P4HTM: variants seen among roughly 807,000 people sequenced by gnomAD.
The protein encoded by P4HTM is transmembrane prolyl 4-hydroxylase.
P4HTM carries 33 observed loss-of-function variants against 55.3 expected under a neutral mutation model. That is an observed-to-expected ratio of 0.60 (90% CI 0.45 to 0.80). P4HTM has a LOEUF of 0.80. Ranked by LOEUF, P4HTM falls within the 30% of genes least tolerant of loss-of-function variation. P4HTM has a pLI of 0.00. For synonymous variants in P4HTM, 272 were observed against 286.4 expected, an observed-to-expected ratio of 0.95 and a Z score of 0.51; for missense variants, 542 against 696.5, an observed-to-expected ratio of 0.78 and a Z score of 2.50.
rs1225856006 is a variant in P4HTM at position 49,002,266 on chromosome 3, G to T, written c.628-234G>T. ...CAGTGCTCTCCATGAAGGCCACGGGGCCTTAGTCCGGGAATGCAAATGGCC... is the reference window on the plus strand; with the variant it reads ...CAGTGCTCTCCATGAAGGCCACGGGTCCTTAGTCCGGGAATGCAAATGGCC... On this transcript the variant is annotated intron_variant, in intron 3 of 8. Coordinates refer to ENST00000383729, the MANE Select transcript of P4HTM (RefSeq NM_177939.3). This position sits in a 1 kb window ranked among gnomAD's most constrained non-coding sequence, Gnocchi z 4.4. 6.6e-6 allele frequency among the ~76,000 whole-genome samples: 1 copy of T among 152,242 alleles called. No homozygotes were observed. The highest frequency in any genetic ancestry group is 1.5e-5 in the Non-Finnish European group (1 of 68,044).
Position 49,005,027 on chromosome 3 carries a change from C to G in P4HTM, c.1054C>G (p.Pro352Ala). The G allele has an allele frequency of 6.2e-7, 1 of 1,614,084 alleles. No homozygotes were observed. The highest frequency in any genetic ancestry group is 1.7e-5 in the Admixed American group (1 of 60,034). Residue 352 changes from proline (P) to alanine (A), a missense_variant, in exon 6 of 9, where the codon CCC (proline) becomes GCC (alanine). Physicochemically the swap from Pro to Ala is conservative, Grantham distance 27. This residue lies in a region of P4HTM where 536 missense variants were observed against 672.1 expected (regional missense o/e 0.80). Coordinates refer to ENST00000383729, the MANE Select transcript of P4HTM (RefSeq NM_177939.3). ...CAAGCTGGTAGCCAACGAGTCTGTA[C>G]CCTTCGAGACCTCCTGCCGGCAAGT... Reference protein sequence around the residue: ...HTKLVANESVPFETSCRYMTV... With the variant: ...HTKLVANESVAFETSCRYMTV...
rs1216896796 is a variant in P4HTM at position 48,999,607 on chromosome 3, G to A, written c.437-1831G>A. 2.4e-5 allele frequency: 4 copies of A among 167,362 alleles called. No homozygotes were observed. The highest frequency in any genetic ancestry group is 5.9e-5 in the Non-Finnish European group (4 of 68,358). The allele number at this position is 167,362 out of a possible 1,614,324, so 10.4% of individuals were successfully genotyped here. On this transcript the variant is annotated intron_variant, in intron 2 of 8. Coordinates refer to ENST00000383729, the MANE Select transcript of P4HTM (RefSeq NM_177939.3). The surrounding 1 kb of genome is among the most constrained non-coding windows in gnomAD (Gnocchi z 4.8). Reference sequence around the variant, plus strand: ...TGTTCCTGCACCCAGGGAGCCAACAGAGGAGATCCTGCAGGGGTTTGCACA... The same window carrying A: ...TGTTCCTGCACCCAGGGAGCCAACAAAGGAGATCCTGCAGGGGTTTGCACA...
intron 8 of P4HTM, 97 bp downstream of exon 8, chr3:49,006,284 T>C: frequency 7.1e-7 from 1 of 1,404,684 alleles, no homozygotes; most frequent in South Asian, 1.2e-5. Context: ...TTCTGGCTGC[T>C]TTCCAAATAG....
rs1252883130 is a variant in P4HTM, at chr3:49,006,880, C to G, written c.1482C>G (p.Ala494=). The change falls in exon 9 of 9, where the codon GCC becomes GCG. Residue 494 remains alanine, a synonymous_variant. Coordinates refer to ENST00000383729, the MANE Select transcript of P4HTM (RefSeq NM_177939.3). ...DSQPEWALDR[A]YRDARVEL The stretch of plus-strand genomic sequence containing the variant: ...AGCCCGAGTGGGCTCTGGACCGGGC[C>G]TACCGCGATGCGCGCGTGGAACTCT... 4.3e-6 allele frequency: 7 copies of G among 1,612,390 alleles called. No homozygotes were observed. Among genetic ancestry groups the G allele is most frequent in the Non-Finnish European group, 5.9e-6 (7 of 1,179,662 alleles).
At chr3:49,005,495 T>C in intron 6 of P4HTM, 1 of 1,339,642 alleles carries the variant, frequency 7.5e-7, no homozygotes, top group Non-Finnish European at 9.5e-7. Context: ...CTGTTGCTTC[T>C]GCTAGCCTAC....
rs990831870 is a variant in P4HTM at position 49,006,604 on chromosome 3, C to T, written c.1289-83C>T. ...CTACACAAGGAATGCATAGCTGGAC[C>T]CACCTTGGTCATGCTCTTGGTGCCT... On this transcript the variant is annotated intron_variant, in intron 8 of 8. Coordinates refer to ENST00000383729, the MANE Select transcript of P4HTM (RefSeq NM_177939.3). 23 of 1,137,820 alleles carry T rather than the reference C, an allele frequency of 2.0e-5. No homozygotes were observed. In the African/African-American group the frequency reaches 3.1e-4, roughly 15 times the overall value. The allele number at this position is 1,137,820 out of a possible 1,614,324, so 70.5% of individuals were successfully genotyped here. A position where few individuals can be genotyped will look rare whatever the true frequency, so the allele number is the denominator to read the frequency against.
chr3:48,998,124 G>A (rs1222644117), intron 2 of P4HTM: 1 of 152,312 alleles, frequency 6.6e-6, no homozygotes, highest in East Asian at 1.9e-4. Flanking sequence ...TGTATGATTT[G>A]AATGATTTGA....
In P4HTM at chr3:49,006,958, C is replaced by T; in HGVS notation, c.*51C>T. 6.9e-7 allele frequency: 1 copy of T among 1,447,776 alleles called. No homozygotes were observed. Among genetic ancestry groups the T allele is most frequent in the Non-Finnish European group, 9.5e-7 (1 of 1,052,482 alleles). The allele number at this position is 1,447,776 out of a possible 1,614,324, so 89.7% of individuals were successfully genotyped here. ...CCGCGGGTCGCCAGTTGCCCAAGAT[C>T]AGGGGTCCGGCTGTCCTTCTGTCCT... On this transcript the variant is annotated 3_prime_UTR_variant, in exon 9 of 9. Coordinates refer to ENST00000383729, the MANE Select transcript of P4HTM (RefSeq NM_177939.3).
chr3:49,004,723 G>T, intron 5 of P4HTM, 138 bp from the exon 6 acceptor site: 1 of 814,414 alleles, frequency 1.2e-6, no homozygotes, highest in Non-Finnish European at 2.0e-6. Context: ...TACAGGGCCA[G>T]TCTGAGATGG....
rs1266911547 is a variant in P4HTM, at chr3:49,006,096, C to T, written c.1197C>T (p.Asp399=). Residue 399 remains aspartate (D), a synonymous_variant, in exon 8 of 9, where the codon GAC becomes GAT. Transcript: ENST00000383729. ...TTCAGGATGACGTGGACCTCCGTGACACACGGAGGCACTGTGACAAGGGAA... is the reference window on the plus strand; with the variant it reads ...TTCAGGATGACGTGGACCTCCGTGATACACGGAGGCACTGTGACAAGGGAA... ...SLIQDDVDLR[D]TRRHCDKGNL... is the part of the protein sequence containing the mutation. 3.1e-6 allele frequency: 5 copies of T among 1,612,514 alleles called. No homozygotes were observed. In the South Asian group the frequency reaches 4.4e-5, roughly 14 times the overall value.
Position 48,999,159 on chromosome 3 carries a change from G to A in P4HTM, c.437-2279G>A, listed in dbSNP as rs760024897. On this transcript the variant is annotated intron_variant, in intron 2 of 8. Coordinates refer to ENST00000383729, the MANE Select transcript of P4HTM (RefSeq NM_177939.3). The surrounding 1 kb of genome is among the most constrained non-coding windows in gnomAD (Gnocchi z 4.8). ...GCCCAGCCCTGATAGGTGCTCAGGT[G>A]CTCAGCAAGGATTACTGAAGACCTG... 1.3e-5 allele frequency: 2 copies of A among 152,224 alleles called. No individual in the cohort carries two copies. The highest frequency in any genetic ancestry group is 6.5e-5 in the Admixed American group (1 of 15,282). 9.4% of individuals were successfully genotyped at this position (152,224 alleles called of 1,614,324 possible).
chr3:49,004,699 C>A, intron 5 of P4HTM, 162 bp from the exon 6 acceptor site: 2 of 674,390 alleles, frequency 3.0e-6, no homozygotes, highest in Non-Finnish European at 5.1e-6. Flanking sequence ...TCATGAGTAA[C>A]CCCCTCCTGC....
At chr3:49,005,280 AC>A (rs1236953179) in intron 6 of P4HTM, 2 of 1,452,532 alleles carry the variant, frequency 1.4e-6, no homozygotes, top group East Asian at 4.9e-5. Flanking sequence ...GTACCCACAG[AC>A]ACCAAAACTT....
Position 48,992,824 on chromosome 3 carries a change from T to C in P4HTM, c.436+1910T>C, listed in dbSNP as rs2092934680. Among the ~76,000 whole-genome samples, 4 of 149,348 alleles carry C rather than the reference T, an allele frequency of 2.7e-5. No individual in the cohort carries two copies. The South Asian group carries it at 6.8e-4, about 25-fold the overall frequency. On this transcript the variant is annotated intron_variant, in intron 2 of 8. Transcript: ENST00000383729. ...GGGATTACAGGCATGCGCCACCACA[T>C]CCGGCTAATTTTTTGCATTTTTAGT...
chr3:49,005,279 G>T, intron 6 of P4HTM: 1 of 1,456,458 alleles, frequency 6.9e-7, no homozygotes, highest in Non-Finnish European at 9.0e-7. Context: ...TGTACCCACA[G>T]ACACCAAAAC....
Position 49,002,483 on chromosome 3 carries a change from A to T in P4HTM, c.628-17A>T, listed in dbSNP as rs772993184. 2 of 1,592,914 alleles carry T rather than the reference A, an allele frequency of 1.3e-6. No individual in the cohort carries two copies. Among genetic ancestry groups the T allele is most frequent in the Non-Finnish European group, 1.7e-6 (2 of 1,160,922 alleles). ...CATCACTGGGGTCACCCACTGAGGG[A>T]CCCTCTTATGCTTTAGGTTCTGGCC... On this transcript the variant is annotated splice_polypyrimidine_tract_variant and intron_variant, in intron 3 of 8. Transcript: ENST00000383729. This position sits in a 1 kb window ranked among gnomAD's most constrained non-coding sequence, Gnocchi z 4.4.
chr3:48,998,790 G>C (rs2092953311), intron 2 of P4HTM, among the ~76,000 whole-genome samples: 1 of 152,168 alleles, frequency 6.6e-6, no homozygotes, highest in Non-Finnish European at 1.5e-5. Flanking sequence ...TGGCCACCCA[G>C]AGGCTCTTGG....
At chr3:49,004,749 G>A (rs771399992) in intron 5 of P4HTM, 112 bp from the exon 6 acceptor site, 2 of 1,089,270 alleles carry the variant, frequency 1.8e-6, no homozygotes, top group Non-Finnish European at 2.7e-6. Flanking sequence ...GGGACTTCCA[G>A]GGGAGGTGGG....
rs1001798607 is a variant in P4HTM, at chr3:49,003,775, C to G, written c.725-323C>G. ...ACTCTATATAGCCAGGCTGGAAGGC[C>G]AGGGTCCTGGCCATATGGCTCAAGC... On this transcript the variant is annotated intron_variant, in intron 4 of 8. Transcript: ENST00000383729. 4 of 254,714 alleles carry G rather than the reference C, an allele frequency of 1.6e-5. No individual in the cohort carries two copies. The South Asian group carries it at 2.0e-4, about 13-fold the overall frequency. The allele number at this position is 254,714 out of a possible 1,614,324, so 15.8% of individuals were successfully genotyped here.
Sources: allele counts gnomAD v4.1 joint callset (sites outside exome capture counted in the v4.1 genomes callset), GRCh38; gene constraint gnomAD v4.1.1; regional missense constraint gnomAD v4.1.1; non-coding constraint Gnocchi (gnomAD v3.1); transcripts MANE v1.5; gene names NCBI Gene and HGNC (gene_info 2026-07-23, HGNC 2026-07-21).